The following TMEM178B variants were observed in gnomAD, a reference collection of about 807,000 sequenced individuals.
TMEM178B encodes transmembrane protein 178B.
In TMEM178B, 5 loss-of-function variants were observed where a neutral mutation model predicts 31.0. That is an observed-to-expected ratio of 0.16 (90% CI 0.08 to 0.34). The LOEUF (loss-of-function observed/expected upper bound fraction) is 0.34, where lower values mean the gene tolerates loss of function less well. Ranked by LOEUF, TMEM178B falls within the 10% of genes least tolerant of loss-of-function variation. The pLI, the probability that TMEM178B is intolerant of heterozygous loss-of-function variation, is 1.00. For missense variants in TMEM178B, 275 were observed against 400.3 expected, an observed-to-expected ratio of 0.69 and a Z score of 2.67; for synonymous variants, 164 against 164.0, an observed-to-expected ratio of 1.00 and a Z score of 0.00.
chr7:141,336,930 CCAT>C (rs1799408082), intron 2 of TMEM178B, among the ~76,000 whole-genome samples: 27 of 111,566 alleles, frequency 2.4e-4, no homozygotes, highest in African/African-American at 6.0e-4. Context: ...ACCACCACCA[CCAT>C]CACCACCACC....
In TMEM178B at chr7:141,074,688, G is replaced by T; in HGVS notation, c.378G>T (p.Arg126=). 6.7e-7 allele frequency: 1 copy of T among 1,500,446 alleles called. No individual in the cohort carries two copies. The highest frequency in any genetic ancestry group is 8.9e-7 in the Non-Finnish European group (1 of 1,126,944). The allele number at this position is 1,500,446 out of a possible 1,614,324, so 92.9% of individuals were successfully genotyped here. The stretch of plus-strand genomic sequence containing the variant: ...ACCCCGAGATCGCCGCCCTCATTCG[G>T]AAAGGTAAGCGCCGGGCGCAAGGCG... The part of the protein sequence containing the change: ...GFDPEIAALI[R]KGEIERCTYI... Residue 126 remains arginine (R), a synonymous_variant, in exon 1 of 4, where the codon CGG becomes CGT. Transcript: ENST00000565468. This position sits in a 1 kb window ranked among gnomAD's most constrained non-coding sequence, Gnocchi z 5.1.
intron 2 of TMEM178B, among the ~76,000 whole-genome samples, chr7:141,218,938 C>G (rs1797207321): frequency 6.6e-6 from 1 of 152,246 alleles, no homozygotes; most frequent in Admixed American, 6.5e-5. Context: ...ACTCAGAACT[C>G]TCTGGCTTTC....
rs1437588004 is a variant in TMEM178B at position 141,478,609 on chromosome 7, T to C, written c.*7823T>C. ...CAGTGAAATTAATTTTTAGACTACA[T>C]TTTAACCTAACATGTCAAAAATAGT... On this transcript the variant is annotated 3_prime_UTR_variant, in exon 4 of 4. Transcript: ENST00000565468. The C allele has an allele frequency of 1.3e-5, 2 of 152,246 alleles. No homozygotes were observed. The highest frequency in any genetic ancestry group is 4.8e-5 in the African/African-American group (2 of 41,462). The allele number at this position is 152,246 out of a possible 1,614,324, so 9.4% of individuals were successfully genotyped here.
At chr7:141,504,274 AT>A in the TMEM178B span, among the ~76,000 whole-genome samples, 1 of 152,224 alleles carries the variant, frequency 6.6e-6, no homozygotes, top group Non-Finnish European at 1.5e-5. Flanking sequence ...GCAGACTTGT[AT>A]TTAATCCCGT....
At chr7:141,130,168 C>T (rs948026794) in intron 1 of TMEM178B, among the ~76,000 whole-genome samples, 3 of 152,134 alleles carry the variant, frequency 2.0e-5, no homozygotes, top group Non-Finnish European at 4.4e-5. Context: ...GAATTTTCCC[C>T]CACGAAGAAC....
Position 141,346,144 on chromosome 7 carries a change from C to A in TMEM178B, c.497-91464C>A, listed in dbSNP as rs150739165. On this transcript the variant is annotated intron_variant, in intron 2 of 3. Coordinates refer to ENST00000565468, the MANE Select transcript of TMEM178B (RefSeq NM_001195278.2). Reference sequence around the variant, plus strand: ...GCTGAGGCAGGAGAATAGCGAGAACCCAGGAAGTGGAGCTTGCAGTGAGCC... The same window carrying A: ...GCTGAGGCAGGAGAATAGCGAGAACACAGGAAGTGGAGCTTGCAGTGAGCC... Among the ~76,000 whole-genome samples, 64 of 152,050 alleles carry A rather than the reference C, an allele frequency of 4.2e-4. No homozygotes were observed. The East Asian group carries it at 5.0e-3, about 12-fold the overall frequency.
At chr7:141,229,099 T>G (rs1203736093) in intron 2 of TMEM178B, among the ~76,000 whole-genome samples, 1 of 81,152 alleles carries the variant, frequency 1.2e-5, no homozygotes, top group Admixed American at 1.4e-4. Flanking sequence ...TGTGTGTGTG[T>G]GGTGTGTGTG....
chr7:141,363,905 TA>T (rs1444756678), intron 2 of TMEM178B, among the ~76,000 whole-genome samples: 1 of 136,158 alleles, frequency 7.3e-6, no homozygotes, highest in East Asian at 2.2e-4. Flanking sequence ...AATAAATAAA[TA>T]AAATAATAAA....
chr7:141,341,470 A>G (rs1799514657), intron 2 of TMEM178B, among the ~76,000 whole-genome samples: 1 of 152,290 alleles, frequency 6.6e-6, no homozygotes, highest in East Asian at 1.9e-4. Context: ...AAAGAAAAGC[A>G]TCAACCCATC....
chr7:141,262,173 A>G (rs1281507255), intron 2 of TMEM178B, among the ~76,000 whole-genome samples: 1 of 152,168 alleles, frequency 6.6e-6, no homozygotes. Flanking sequence ...CATCTTTTAT[A>G]AAGTGGCTTC....
chr7:141,155,054 G>T (rs960484617), intron 1 of TMEM178B, among the ~76,000 whole-genome samples: 1 of 152,202 alleles, frequency 6.6e-6, no homozygotes, highest in African/African-American at 2.4e-5. Flanking sequence ...TTCAGCTCAG[G>T]TTAGGAAAGG....
At chr7:141,183,002 A>G (rs1337012693) in intron 1 of TMEM178B, among the ~76,000 whole-genome samples, 2 of 152,214 alleles carry the variant, frequency 1.3e-5, no homozygotes, top group Non-Finnish European at 2.9e-5. Context: ...TTCATCAGAC[A>G]TTGAAGTAAG....
intron 2 of TMEM178B, among the ~76,000 whole-genome samples, chr7:141,216,423 C>CTGTGTGTGTGTGTGTGTGTGTG (rs575369422): frequency 4.5e-5 from 4 of 89,416 alleles, no homozygotes; most frequent in African/African-American, 1.5e-4. Flanking sequence ...AGGATGAAGC[C>CTGTGTGTGTGTGTGTGTGTGTG]TGTGTGTGTG....
intron 2 of TMEM178B, among the ~76,000 whole-genome samples, chr7:141,303,959 G>A (rs1320986401): frequency 6.6e-6 from 1 of 152,174 alleles, no homozygotes; most frequent in African/African-American, 2.4e-5. Context: ...AGAAATGAGA[G>A]GTTCAGTGAC....
intron 2 of TMEM178B, among the ~76,000 whole-genome samples, chr7:141,215,182 TTAAA>T (rs1226704162): frequency 6.6e-6 from 1 of 152,066 alleles, no homozygotes; most frequent in African/African-American, 2.4e-5. Context: ...GTAGAAATGA[TTAAA>T]TATTAGCCAA....
intron 2 of TMEM178B, among the ~76,000 whole-genome samples, chr7:141,335,008 C>A (rs1799359070): frequency 6.6e-6 from 1 of 152,134 alleles, no homozygotes; most frequent in South Asian, 2.1e-4. Flanking sequence ...TCTTTTCCTC[C>A]CTCGAGGGGC....
Position 141,074,221 on chromosome 7 carries a change from G to T in TMEM178B, c.-90G>T, listed in dbSNP as rs931148166. Reference sequence around the variant, plus strand: ...AGTCCCTCTCCTGCCCCCTCCCCCAGCTCGGCCGCCCGCCGCTTTGTTCCG... The same window carrying T: ...AGTCCCTCTCCTGCCCCCTCCCCCATCTCGGCCGCCCGCCGCTTTGTTCCG... On this transcript the variant is annotated 5_prime_UTR_variant, in exon 1 of 4. Transcript: ENST00000565468. The surrounding 1 kb of genome is among the most constrained non-coding windows in gnomAD (Gnocchi z 5.1). 8 of 1,434,638 alleles carry T rather than the reference G, an allele frequency of 5.6e-6. No homozygotes were observed. In the East Asian group the frequency reaches 2.0e-4, roughly 36 times the overall value. The allele number at this position is 1,434,638 out of a possible 1,614,324, so 88.9% of individuals were successfully genotyped here. A position where few individuals can be genotyped will look rare whatever the true frequency, so the allele number is the denominator to read the frequency against.
the TMEM178B span, among the ~76,000 whole-genome samples, chr7:141,510,685 CAAAA>C: frequency 1.6e-3 from 40 of 24,962 alleles, no homozygotes; most frequent in African/African-American, 3.3e-3. Flanking sequence ...AACTCCGTCT[CAAAA>C]AAAAAAAAAA....
At chr7:141,384,611 T>G (rs1800396003) in intron 2 of TMEM178B, among the ~76,000 whole-genome samples, 1 of 152,204 alleles carries the variant, frequency 6.6e-6, no homozygotes. Flanking sequence ...CTGTTTTGGT[T>G]ACTGTAGCCT....
Sources: gnomAD v4.1 joint callset for allele counts (sites outside exome capture counted in the v4.1 genomes callset) on GRCh38, gnomAD v4.1.1 for gene constraint, Gnocchi (gnomAD v3.1) non-coding constraint, MANE v1.5 for transcripts, NCBI Gene and HGNC (gene_info 2026-07-23, HGNC 2026-07-21) for gene names.